Variants in CDC42BPB observed in about 807,000 individuals in gnomAD.
The protein encoded by CDC42BPB is serine/threonine-protein kinase MRCK beta.
In CDC42BPB, 37 loss-of-function variants were observed where a neutral mutation model predicts 214.9. The observed-to-expected ratio is 0.17, with a 90% confidence interval of 0.13 to 0.23. CDC42BPB has a LOEUF of 0.23. CDC42BPB is among the 10% of genes least tolerant of loss of function. The pLI is 1.00. For synonymous variants in CDC42BPB, 931 were observed against 884.0 expected, an observed-to-expected ratio of 1.05 and a Z score of -0.94; for missense variants, 1,694 against 2,227.0, an observed-to-expected ratio of 0.76 and a Z score of 4.82.
intron 5 of CDC42BPB, among the ~76,000 whole-genome samples, chr14:102,994,028 C>T (rs943416549): frequency 1.6e-4 from 24 of 152,090 alleles, no homozygotes; most frequent in South Asian, 2.1e-4. Flanking sequence ...CACATACACA[C>T]GAAAAATGTC....
chr14:102,946,696 G>C lies in CDC42BPB; in HGVS notation c.3532-12C>G, dbSNP rs771742575. On this transcript the variant is annotated splice_polypyrimidine_tract_variant and intron_variant, in intron 27 of 36. Transcript: ENST00000361246. ...AGAGAGGCCGTCACCTTCATGACAG[G>C]AAACAGAAGAGAAGAGAGAAGTCAT... is the stretch of plus-strand genomic sequence containing the variant. The C allele has an allele frequency of 6.2e-7, 1 of 1,612,230 alleles. No individual in the cohort carries two copies. Among genetic ancestry groups the C allele is most frequent in the South Asian group, 1.1e-5 (1 of 91,074 alleles).
chr14:102,934,654 G>T (rs1473577481), intron 36 of CDC42BPB, among the ~76,000 whole-genome samples: 1 of 152,166 alleles, frequency 6.6e-6, no homozygotes, highest in Non-Finnish European at 1.5e-5. Context: ...GAATAGAGGG[G>T]AACCTCCTCA....
intron 1 of CDC42BPB, among the ~76,000 whole-genome samples, chr14:103,012,747 A>G (rs994788975): frequency 1.3e-5 from 2 of 152,166 alleles, no homozygotes; most frequent in East Asian, 3.9e-4. Context: ...GGAGGTTACA[A>G]TGAGCCAAGA....
In CDC42BPB at chr14:103,017,633, C is replaced by T. The variant is rs758560593; in HGVS notation, c.176-5445G>A. Among the ~76,000 whole-genome samples, 11 of 152,172 alleles carry T rather than the reference C, an allele frequency of 7.2e-5. No individual in the cohort carries two copies. In the East Asian group the frequency reaches 7.7e-4, roughly 11 times the overall value. On this transcript the variant is annotated intron_variant, in intron 1 of 36. Transcript: ENST00000361246. ...AGATCCACAACCCAAATCCAACCAC[C>T]GGGAAACACCAGGCAAACCTAAACT... is the stretch of plus-strand genomic sequence containing the variant.
chr14:103,022,869 G>A (rs752032021), intron 1 of CDC42BPB, among the ~76,000 whole-genome samples: 1 of 151,574 alleles, frequency 6.6e-6, no homozygotes, highest in African/African-American at 2.4e-5. Context: ...AGTCAGTAGG[G>A]GGTGTTTCTC....
At chr14:103,000,187 G>A (rs922141583) in intron 4 of CDC42BPB, among the ~76,000 whole-genome samples, 15 of 152,362 alleles carry the variant, frequency 9.8e-5, no homozygotes, top group Admixed American at 8.5e-4. Flanking sequence ...AGAGCCGAAA[G>A]ATAATTACTT....
At chr14:103,012,066 G>A (rs1886188994) in intron 2 of CDC42BPB, 31 bp downstream of exon 2, 2 of 1,484,228 alleles carry the variant, frequency 1.3e-6, no homozygotes, top group East Asian at 2.3e-5. Context: ...TGGCAATTTA[G>A]GCAAAGTTAA....
chr14:103,050,623 G>A (rs558054929), intron 1 of CDC42BPB, among the ~76,000 whole-genome samples: 4 of 140,358 alleles, frequency 2.8e-5, no homozygotes, highest in East Asian at 3.9e-4. Flanking sequence ...CAGGTGTAGC[G>A]GTGTATGCCT....
At chr14:103,031,875 A>G (rs1887395206) in intron 1 of CDC42BPB, among the ~76,000 whole-genome samples, 1 of 152,228 alleles carries the variant, frequency 6.6e-6, no homozygotes, top group South Asian at 2.1e-4. Flanking sequence ...TTCAATTAAA[A>G]AATCAAAAAG....
At chr14:102,956,899 C>G (rs867051692) in intron 21 of CDC42BPB, among the ~76,000 whole-genome samples, 3 of 151,526 alleles carry the variant, frequency 2.0e-5, no homozygotes, top group Admixed American at 1.3e-4. Flanking sequence ...CAATTATGGG[C>G]CAGGCATGGT....
chr14:103,057,115 C>G lies in CDC42BPB; in HGVS notation c.59G>C (p.Arg20Pro). ...LEQLLLDGPWRNESALSVETL... is the reference protein window; with the variant it reads ...LEQLLLDGPWPNESALSVETL... ...TTCCACGCTCAGGGCGCTCTCGTTG[C>G]GCCAGGGCCCGTCCAGGAGCAGCTG... Residue 20 changes from arginine to proline, a missense_variant, in exon 1 of 37, where the codon CGC becomes CCC. Around this residue, in one of 7 missense-constraint regions of CDC42BPB, gnomAD observed 83 missense variants for 79.9 expected, o/e 1.04. Coordinates refer to ENST00000361246, the MANE Select transcript of CDC42BPB (RefSeq NM_006035.4). 1 of 1,519,638 alleles carries G rather than the reference C, an allele frequency of 6.6e-7. No homozygotes were observed. The highest frequency in any genetic ancestry group is 1.2e-5 in the South Asian group (1 of 81,482). 94.1% of individuals were successfully genotyped at this position (1,519,638 alleles called of 1,614,324 possible).
chr14:102,968,375 G>A lies in CDC42BPB; in HGVS notation c.2241-17C>T, dbSNP rs745786434. On this transcript the variant is annotated splice_polypyrimidine_tract_variant and intron_variant, in intron 15 of 36. Coordinates refer to ENST00000361246, the MANE Select transcript of CDC42BPB (RefSeq NM_006035.4). The stretch of plus-strand genomic sequence containing the variant: ...TCGTTATGCCTGCCAAGGTGAGCGA[G>A]AAACAGTTTTAAAAGCTCGTAACTT... 3.7e-6 allele frequency: 6 copies of A among 1,613,366 alleles called. No individual in the cohort carries two copies. The highest frequency in any genetic ancestry group is 1.7e-5 in the Admixed American group (1 of 59,914).
intron 1 of CDC42BPB, among the ~76,000 whole-genome samples, chr14:103,052,801 T>G (rs1888683625): frequency 6.6e-6 from 1 of 152,224 alleles, no homozygotes; most frequent in South Asian, 2.1e-4. Context: ...AGAGGACCAC[T>G]GTGGCCTGTC....
rs769462512 is a variant in CDC42BPB at position 102,981,038 on chromosome 14, A to C, written c.892-17T>G. The C allele has an allele frequency of 6.2e-7, 1 of 1,613,876 alleles. No homozygotes were observed. ...GAATCGCTCCTGCAAGGGGTGGCAA[A>C]AACACCGGTGGACAGGTGGACGCAT... On this transcript the variant is annotated splice_polypyrimidine_tract_variant and intron_variant, in intron 7 of 36. Coordinates refer to ENST00000361246, the MANE Select transcript of CDC42BPB (RefSeq NM_006035.4).
chr14:103,008,567 A>G lies in CDC42BPB; in HGVS notation c.268-12T>C. On this transcript the variant is annotated splice_polypyrimidine_tract_variant and intron_variant, in intron 2 of 36. Coordinates refer to ENST00000361246, the MANE Select transcript of CDC42BPB (RefSeq NM_006035.4). ...TTGACAACAGCAACCTGCAGTGCAAATGTGAGTTGAACAAAGATGCGGTTC... is the reference window on the plus strand; with the variant it reads ...TTGACAACAGCAACCTGCAGTGCAAGTGTGAGTTGAACAAAGATGCGGTTC... 6.2e-7 allele frequency: 1 copy of G among 1,600,876 alleles called. No individual in the cohort carries two copies. The highest frequency in any genetic ancestry group is 8.6e-7 in the Non-Finnish European group (1 of 1,167,892).
At chr14:102,998,866 G>A (rs898209414) in intron 5 of CDC42BPB, among the ~76,000 whole-genome samples, 10 of 152,188 alleles carry the variant, frequency 6.6e-5, no homozygotes, top group African/African-American at 2.4e-4. Flanking sequence ...TAAGGACAGA[G>A]GACCCTGAGC....
At chr14:102,965,955 G>A (rs906321499) in intron 18 of CDC42BPB, among the ~76,000 whole-genome samples, 2 of 152,042 alleles carry the variant, frequency 1.3e-5, no homozygotes, top group Non-Finnish European at 2.9e-5. Flanking sequence ...AGACTGTCGC[G>A]GGAGGAAAAA....
At chr14:102,999,499 G>A in intron 5 of CDC42BPB, 66 bp downstream of exon 5, 1 of 1,542,614 alleles carries the variant, frequency 6.5e-7, no homozygotes, top group East Asian at 2.3e-5. Context: ...CTGGACTTGG[G>A]AGCTCTGAAA....
chr14:102,967,527 A>G (rs1028230488), intron 16 of CDC42BPB, among the ~76,000 whole-genome samples: 1 of 152,230 alleles, frequency 6.6e-6, no homozygotes, highest in African/African-American at 2.4e-5. Flanking sequence ...GTCCTTGCAC[A>G]CACAGCGTGA....
Sources: allele counts gnomAD v4.1 joint callset (sites outside exome capture counted in the v4.1 genomes callset), GRCh38; gene constraint gnomAD v4.1.1; regional missense constraint gnomAD v4.1.1; transcripts MANE v1.5; gene names NCBI Gene and HGNC (gene_info 2026-07-23, HGNC 2026-07-21).